Variants in COL4A1 observed in about 807,000 individuals in gnomAD.
The protein encoded by COL4A1 is collagen alpha-1(IV) chain.
COL4A1 carries 40 observed loss-of-function variants against 216.6 expected under a neutral mutation model. The observed-to-expected ratio is 0.18, with a 90% confidence interval of 0.14 to 0.24. The LOEUF is 0.24. Among genes scored for constraint, COL4A1 ranks in the 10% least tolerant of loss-of-function variants. COL4A1 has a pLI of 1.00. For synonymous variants in COL4A1, 839 were observed against 810.7 expected (o/e 1.03, Z -0.59); for missense variants, 1,628 against 2,196.8 (o/e 0.74, Z 5.18).
rs61963277 is a variant in COL4A1 at position 110,222,646 on chromosome 13, A to G, written c.145-8631T>C. ...AAATTAGCCGGGTGTGGTGGCGGGC[A>G]CCTGTAGTCCCAGCTACTCGGGAGG... is the stretch of plus-strand genomic sequence containing the variant. On this transcript the variant is annotated intron_variant, in intron 2 of 51. Coordinates refer to ENST00000375820, the MANE Select transcript of COL4A1 (RefSeq NM_001845.6). 8.9e-5 allele frequency among the ~76,000 whole-genome samples: 13 copies of G among 146,248 alleles called. 1 individual carries two copies. The highest frequency in any genetic ancestry group is 2.2e-4 in the South Asian group (1 of 4,446).
rs772681589 is a variant in COL4A1 at position 110,178,982 on chromosome 13, C to G, written c.2399G>C (p.Gly800Ala). The change falls in exon 31 of 52, where the codon GGA becomes GCA. Residue 800 changes from glycine (G) to alanine (A), a missense_variant. This residue lies in a region of COL4A1 where 701 missense variants were observed against 892.5 expected (regional missense o/e 0.79). Coordinates refer to ENST00000375820, the MANE Select transcript of COL4A1 (RefSeq NM_001845.6). ...PGSVGSPGVP[G>A]IGPPGARGPP... ...ACCCCTAGCTCCAGGGGGGCCTATT[C>G]CTGGAACTCCTGGAGACCCCACGGA... The G allele has an allele frequency of 3.7e-6, 6 of 1,612,076 alleles. No homozygotes were observed. The South Asian group carries it at 6.6e-5, about 18-fold the overall frequency.
At chr13:110,185,142 AT>A (rs1878342993) in intron 26 of COL4A1, among the ~76,000 whole-genome samples, 1 of 151,768 alleles carries the variant, frequency 6.6e-6, no homozygotes, top group South Asian at 2.1e-4. Context: ...TACTTTATTT[AT>A]TTATTTATTT....
chr13:110,199,289 A>T (rs910068281), intron 20 of COL4A1, among the ~76,000 whole-genome samples: 1 of 152,208 alleles, frequency 6.6e-6, no homozygotes, highest in East Asian at 1.9e-4. Flanking sequence ...GCATCAGGCT[A>T]TGATGAGGAG....
chr13:110,229,499 G>A (rs1891965), intron 2 of COL4A1, among the ~76,000 whole-genome samples: 17,038 of 152,104 alleles, frequency 0.11, 1,121 homozygotes, highest in African/African-American at 0.18. Context: ...ATCACTGTAC[G>A]TGTCCTGCAT....
Position 110,161,207 on chromosome 13 carries a change from C to G in COL4A1, c.4625G>C (p.Arg1542Thr). 6.2e-7 allele frequency: 1 copy of G among 1,614,208 alleles called. No homozygotes were observed. Residue 1542 changes from arginine to threonine, a missense_variant, in exon 49 of 52, where the codon AGA (arginine) becomes ACA (threonine). By Grantham distance (71) the Arg-to-Thr change is moderately conservative. Around this residue, in one of 8 missense-constraint regions of COL4A1, gnomAD observed 254 missense variants for 300.1 expected, o/e 0.85. Coordinates refer to ENST00000375820, the MANE Select transcript of COL4A1 (RefSeq NM_001845.6). Reference sequence around the variant, plus strand: ...CTCGACTCACCTACTAATAAATGGTCTTATGTTTTCCCCCGTGATGGGTGC... The same window carrying G: ...CTCGACTCACCTACTAATAAATGGTGTTATGTTTTCCCCCGTGATGGGTGC... ...SMAPITGENI[R>T]PFISRCAVCE...
chr13:110,199,399 G>C (rs59640916), intron 20 of COL4A1, among the ~76,000 whole-genome samples: 1 of 152,138 alleles, frequency 6.6e-6, no homozygotes, highest in Non-Finnish European at 1.5e-5. Flanking sequence ...TGACCAAAGG[G>C]GCACAGAGCC....
At chr13:110,203,683 C>T in intron 17 of COL4A1, 76 bp from the exon 18 acceptor site, 8 of 1,510,806 alleles carry the variant, frequency 5.3e-6, no homozygotes, top group Non-Finnish European at 7.4e-6. Flanking sequence ...TTAAACATTT[C>T]TTCTGGTAAA....
chr13:110,229,594 G>A (rs1880913987), intron 2 of COL4A1, among the ~76,000 whole-genome samples: 1 of 152,186 alleles, frequency 6.6e-6, no homozygotes, highest in Admixed American at 6.5e-5. Flanking sequence ...CAAGGTGATG[G>A]CATGGAGGTG....
intron 22 of COL4A1, among the ~76,000 whole-genome samples, chr13:110,193,259 C>T (rs1878727259): frequency 6.6e-6 from 1 of 152,246 alleles, no homozygotes; most frequent in South Asian, 2.1e-4. Flanking sequence ...CCTGAAAAGA[C>T]TTGACTTTTG....
chr13:110,170,401 G>C, intron 42 of COL4A1, 146 bp downstream of exon 42: 1 of 874,698 alleles, frequency 1.1e-6, no homozygotes, highest in Non-Finnish European at 1.8e-6. Flanking sequence ...CTCGATGGGG[G>C]CCAAACACAA....
At chr13:110,202,290 G>A (rs1381843342) in intron 18 of COL4A1, among the ~76,000 whole-genome samples, 1 of 147,080 alleles carries the variant, frequency 6.8e-6, no homozygotes, top group East Asian at 2.0e-4. Context: ...AAGACAAGAA[G>A]AGGCACTTTC....
intron 15 of COL4A1, 56 bp downstream of exon 15, chr13:110,206,608 AT>A: frequency 6.3e-7 from 1 of 1,585,612 alleles, no homozygotes; most frequent in Non-Finnish European, 8.7e-7. Context: ...TGAATCTGCG[AT>A]TTTCCGCATG....
intron 49 of COL4A1, among the ~76,000 whole-genome samples, chr13:110,160,165 G>A (rs191873125): frequency 1.3e-5 from 2 of 148,758 alleles, no homozygotes; most frequent in African/African-American, 2.5e-5. Flanking sequence ...ATAGGGGGCC[G>A]GGCGCGGTGG....
intron 1 of COL4A1, among the ~76,000 whole-genome samples, chr13:110,303,891 C>T (rs914082809): frequency 6.6e-5 from 10 of 152,308 alleles, no homozygotes; most frequent in Admixed American, 5.9e-4. Context: ...AAGGCACAAA[C>T]GGGTCCGTGT....
chr13:110,185,078 GGCAT>G (rs2139171833), intron 26 of COL4A1, among the ~76,000 whole-genome samples: 1 of 152,316 alleles, frequency 6.6e-6, no homozygotes, highest in African/African-American at 2.4e-5. Flanking sequence ...GAGCCAGAAC[GGCAT>G]GCTGTAATTG....
rs150554980 is a variant in COL4A1, at chr13:110,224,802, G to A, written c.145-10787C>T. Among the ~76,000 whole-genome samples, 14 of 152,286 alleles carry A rather than the reference G, an allele frequency of 9.2e-5. No homozygotes were observed. In the East Asian group the frequency reaches 2.5e-3, roughly 27 times the overall value. ...GAACTTAATAATGTATGTGGGTGTG[G>A]GGCAGCGTTGTGGAACAAAACGAGG... On this transcript the variant is annotated intron_variant, in intron 2 of 51. Transcript: ENST00000375820.
At chr13:110,187,510 T>A in intron 24 of COL4A1, among the ~76,000 whole-genome samples, 181 bp from the exon 25 acceptor site, 1 of 152,194 alleles carries the variant, frequency 6.6e-6, no homozygotes, top group East Asian at 1.9e-4. Context: ...CCTGGTCTGC[T>A]GCACTTCTTG....
rs181529502 is a variant in COL4A1 at position 110,270,026 on chromosome 13, G to A, written c.85-27292C>T. Among the ~76,000 whole-genome samples, 78 of 152,148 alleles carry A rather than the reference G, an allele frequency of 5.1e-4. 1 individual carries two copies. Among genetic ancestry groups the A allele is most frequent in the African/African-American group, 1.7e-3 (71 of 41,504 alleles). On this transcript the variant is annotated intron_variant, in intron 1 of 51. Coordinates refer to ENST00000375820, the MANE Select transcript of COL4A1 (RefSeq NM_001845.6). ...AACGGACTAGAGCGTTCTTCTCCAC[G>A]CACCCCCAGCCTTCACCCCGCACTC...
In COL4A1 at chr13:110,178,322, G is replaced by C. The variant is rs900730934; in HGVS notation, c.2459-91C>G. On this transcript the variant is annotated intron_variant, in intron 31 of 51. Coordinates refer to ENST00000375820, the MANE Select transcript of COL4A1 (RefSeq NM_001845.6). Reference sequence around the variant, plus strand: ...CTCTGTTTAACTATGACTTTCTGCAGAAAGCCCGTGAGCACGCCCACACTG... The same window carrying C: ...CTCTGTTTAACTATGACTTTCTGCACAAAGCCCGTGAGCACGCCCACACTG... 38 of 1,532,314 alleles carry C rather than the reference G, an allele frequency of 2.5e-5. No individual in the cohort carries two copies. The African/African-American group carries it at 3.3e-4, about 13-fold the overall frequency. The allele number at this position is 1,532,314 out of a possible 1,614,324, so 94.9% of individuals were successfully genotyped here.
Sources: allele counts gnomAD v4.1 joint callset (sites outside exome capture counted in the v4.1 genomes callset), GRCh38; gene constraint gnomAD v4.1.1; regional missense constraint gnomAD v4.1.1; transcripts MANE v1.5; gene names NCBI Gene and HGNC (gene_info 2026-07-23, HGNC 2026-07-21).